The following LIN28B variants were observed in gnomAD, a reference collection of about 807,000 sequenced individuals.
LIN28B encodes lin-28 RNA binding posttranscriptional regulator B.
A neutral mutation model predicts 21.9 loss-of-function variants in LIN28B; 5 were observed. That is an observed-to-expected ratio of 0.23 (90% confidence interval 0.12 to 0.48). The LOEUF (loss-of-function observed/expected upper bound fraction) is 0.48. LIN28B is among the 20% of genes least tolerant of loss of function. LIN28B has a pLI of 0.98. For missense variants in LIN28B, 245 were observed against 310.5 expected (o/e 0.79, Z 1.58); for synonymous variants, 109 against 111.3 (o/e 0.98, Z 0.13).
chr6:104,953,752 G>A (rs2114557702), upstream of LIN28B, among the ~76,000 whole-genome samples: 1 of 152,328 alleles, frequency 6.6e-6, no homozygotes, highest in African/African-American at 2.4e-5. Flanking sequence ...TGCCTGGAGA[G>A]GCGGGTTGCG....
rs34394074 is a variant in LIN28B at position 104,989,576 on chromosome 6, G to GTTTTTTTTTTTTTTTTTTTTT, written c.198+31295_198+31315dup. Among the ~76,000 whole-genome samples the GTTTTTTTTTTTTTTTTTTTTT allele has an allele frequency of 2.1e-4, 13 of 60,570 alleles. 3 individuals are homozygous for GTTTTTTTTTTTTTTTTTTTTT. The highest frequency in any genetic ancestry group is 2.4e-4 in the African/African-American group (4 of 16,662). The allele number at this position is 60,570 out of a possible 152,430, so 39.7% of individuals were successfully genotyped here. ...GAAACTTTATTTTTATTTTACTTGG[G>GTTTTTTTTTTTTTTTTTTTTT]TTTTTTTTTTTTTTTTTTTTTTTTT... On this transcript the variant is annotated intron_variant, in intron 2 of 3. Coordinates refer to ENST00000345080, the MANE Select transcript of LIN28B (RefSeq NM_001004317.4).
chr6:105,057,526 C>T (rs1011301835), intron 3 of LIN28B, among the ~76,000 whole-genome samples: 4 of 152,118 alleles, frequency 2.6e-5, no homozygotes, highest in Non-Finnish European at 1.5e-5. Context: ...ATTTTTCTTC[C>T]TCTTTCTGTA....
chr6:104,995,782 A>G (rs970834177), intron 2 of LIN28B, among the ~76,000 whole-genome samples: 6 of 152,150 alleles, frequency 3.9e-5, no homozygotes, highest in African/African-American at 1.4e-4. Context: ...CAGCATGTAA[A>G]TAAATACATG....
intron 3 of LIN28B, among the ~76,000 whole-genome samples, chr6:105,031,719 T>G (rs542850948): frequency 6.6e-6 from 1 of 152,032 alleles, no homozygotes; most frequent in Non-Finnish European, 1.5e-5. Context: ...ATTTTTTTAG[T>G]AGAGACGGAG....
intron 2 of LIN28B, among the ~76,000 whole-genome samples, chr6:104,984,831 G>A (rs1331668172): frequency 6.6e-6 from 1 of 152,122 alleles, no homozygotes; most frequent in African/African-American, 2.4e-5. Flanking sequence ...CTTCTTTGCC[G>A]AATTAGATAA....
intron 2 of LIN28B, among the ~76,000 whole-genome samples, chr6:105,014,515 G>T (rs1270311067): frequency 2.6e-5 from 4 of 152,094 alleles, no homozygotes; most frequent in African/African-American, 9.7e-5. Flanking sequence ...TAGAGATGGG[G>T]TTTCACCATG....
intron 3 of LIN28B, among the ~76,000 whole-genome samples, chr6:105,048,456 T>G (rs1415080566): frequency 6.6e-6 from 1 of 152,252 alleles, no homozygotes; most frequent in African/African-American, 2.4e-5. Flanking sequence ...TCGATGTTCA[T>G]CAGGCATATT....
At chr6:105,049,944 A>T (rs966088678) in intron 3 of LIN28B, among the ~76,000 whole-genome samples, 4 of 152,032 alleles carry the variant, frequency 2.6e-5, no homozygotes, top group African/African-American at 9.7e-5. Flanking sequence ...ATGGGTCTTG[A>T]CTTTTTATCC....
intron 3 of LIN28B, among the ~76,000 whole-genome samples, chr6:105,048,814 A>C (rs1179221552): frequency 6.6e-6 from 1 of 152,124 alleles, no homozygotes; most frequent in Non-Finnish European, 1.5e-5. Context: ...AGAGGTGTTT[A>C]TAGTCTTCTC....
intron 2 of LIN28B, among the ~76,000 whole-genome samples, chr6:104,948,582 A>G (rs1293713228): frequency 1.3e-5 from 2 of 152,258 alleles, no homozygotes; most frequent in South Asian, 2.1e-4. Context: ...TCATTTCAAA[A>G]AACAGTCACC....
intron 2 of LIN28B, among the ~76,000 whole-genome samples, chr6:105,022,882 C>A (rs1423873961): frequency 6.6e-6 from 1 of 151,622 alleles, no homozygotes; most frequent in African/African-American, 2.4e-5. Context: ...TAGTTAAGAC[C>A]TGAAGTAGGG....
chr6:105,018,570 A>G (rs1381178411), intron 2 of LIN28B, among the ~76,000 whole-genome samples: 1 of 152,070 alleles, frequency 6.6e-6, no homozygotes, highest in Non-Finnish European at 1.5e-5. Context: ...CCTCCTTTGT[A>G]TTATTCATTT....
intron 2 of LIN28B, among the ~76,000 whole-genome samples, chr6:104,963,015 G>A (rs1050797817): frequency 1.3e-5 from 2 of 152,062 alleles, no homozygotes; most frequent in Non-Finnish European, 2.9e-5. Context: ...CTTTAAGGCC[G>A]TTTAATCATA....
chr6:104,959,021 T>C (rs1769655230), intron 2 of LIN28B, among the ~76,000 whole-genome samples: 1 of 152,176 alleles, frequency 6.6e-6, no homozygotes, highest in Non-Finnish European at 1.5e-5. Context: ...TTGGGGTAAA[T>C]TTCCACCTTT....
intron 3 of LIN28B, among the ~76,000 whole-genome samples, chr6:105,066,181 ATAAT>A (rs368579919): frequency 2.0e-5 from 3 of 152,140 alleles, no homozygotes; most frequent in Admixed American, 6.5e-5. Context: ...TCAAAAAATA[ATAAT>A]TAGTTAGTAA....
chr6:104,978,789 T>G (rs1163315515), intron 2 of LIN28B, among the ~76,000 whole-genome samples: 3 of 152,158 alleles, frequency 2.0e-5, no homozygotes, highest in Non-Finnish European at 2.9e-5. Context: ...CTTCCCTTCC[T>G]CCTTCTGATC....
At chr6:105,041,635 G>A (rs184076199) in intron 3 of LIN28B, among the ~76,000 whole-genome samples, 5 of 152,216 alleles carry the variant, frequency 3.3e-5, no homozygotes, top group African/African-American at 9.6e-5. Flanking sequence ...TCTGACTGGA[G>A]GTATAGTGGT....
chr6:104,940,377 C>CCG (rs1778065506), intron 2 of LIN28B: 1 of 155,264 alleles, frequency 6.4e-6, no homozygotes, highest in African/African-American at 2.4e-5. Context: ...CCCAGACTGA[C>CCG]GCTGCGCGCG....
chr6:104,940,639 C>T (rs1420124807), intron 2 of LIN28B: 1 of 150,582 alleles, frequency 6.6e-6, no homozygotes, highest in Non-Finnish European at 1.5e-5. Context: ...GTGCCGCCGG[C>T]TGACGCAGGG....
Sources: gnomAD v4.1 joint callset for allele counts (sites outside exome capture counted in the v4.1 genomes callset) on GRCh38, gnomAD v4.1.1 for gene constraint, MANE v1.5 for transcripts, NCBI Gene and HGNC (gene_info 2026-07-23, HGNC 2026-07-21) for gene names.